Variants in KCNIP4 observed in about 807,000 individuals in gnomAD.
The protein encoded by KCNIP4 is Kv channel-interacting protein 4.
Under a neutral mutation model 34.0 loss-of-function variants are expected in KCNIP4, and 12 were observed. That is an observed-to-expected ratio of 0.35 (90% CI 0.23 to 0.57). KCNIP4 has a LOEUF of 0.57. KCNIP4 is among the 20% of genes least tolerant of loss of function. The pLI is 0.83. For missense variants in KCNIP4, 238 were observed against 311.7 expected, an observed-to-expected ratio of 0.76 and a Z score of 1.78; for synonymous variants, 124 against 102.2, an observed-to-expected ratio of 1.21 and a Z score of -1.29.
intron 1 of KCNIP4, among the ~76,000 whole-genome samples, chr4:21,421,389 A>G (rs1307805391): frequency 2.0e-5 from 3 of 152,212 alleles, no homozygotes; most frequent in African/African-American, 7.2e-5. Context: ...ATGGATGGAT[A>G]AATGGATAAA....
intron 1 of KCNIP4, among the ~76,000 whole-genome samples, chr4:21,867,030 C>T (rs1325886858): frequency 2.6e-5 from 4 of 152,220 alleles, no homozygotes; most frequent in Non-Finnish European, 5.9e-5. Context: ...CTCGGCTTCC[C>T]AAAGTGCTGG....
chr4:20,798,776 C>T (rs1713837218), intron 3 of KCNIP4, among the ~76,000 whole-genome samples: 1 of 152,172 alleles, frequency 6.6e-6, no homozygotes, highest in Non-Finnish European at 1.5e-5. Flanking sequence ...CCCAGCAATT[C>T]TGATTGCCAC....
chr4:21,297,886 T>C (rs59784165), intron 1 of KCNIP4, among the ~76,000 whole-genome samples: 7,221 of 152,234 alleles, frequency 0.047, 216 homozygotes, highest in East Asian at 0.12. Context: ...TCATACTGTG[T>C]ATGACTTTTA....
chr4:21,706,931 T>TTC (rs1286687388), intron 1 of KCNIP4, among the ~76,000 whole-genome samples: 1 of 152,186 alleles, frequency 6.6e-6, no homozygotes, highest in Non-Finnish European at 1.5e-5. Flanking sequence ...GACTTGCTAC[T>TTC]GTCCATTAGA....
At chr4:20,906,126 C>T (rs1727742323) in intron 1 of KCNIP4, among the ~76,000 whole-genome samples, 1 of 130,464 alleles carries the variant, frequency 7.7e-6, no homozygotes, top group South Asian at 2.5e-4. Context: ...CTCTTCCTCT[C>T]TTTCTCTTTC....
intron 1 of KCNIP4, among the ~76,000 whole-genome samples, chr4:21,486,935 C>T (rs995279322): frequency 1.3e-5 from 2 of 151,760 alleles, no homozygotes; most frequent in African/African-American, 4.8e-5. Context: ...GTAGCTGGGA[C>T]TACAGGTGTG....
intron 1 of KCNIP4, among the ~76,000 whole-genome samples, chr4:21,129,155 TC>T (rs1260265879): frequency 7.2e-5 from 11 of 152,166 alleles, no homozygotes; most frequent in African/African-American, 2.4e-4. Context: ...AAATGGGAGT[TC>T]CCTTGCACAA....
intron 1 of KCNIP4, among the ~76,000 whole-genome samples, chr4:20,928,544 C>T (rs547618549): frequency 4.7e-4 from 72 of 151,742 alleles, no homozygotes; most frequent in African/African-American, 1.6e-3. Context: ...AATAGCCTAA[C>T]ATTATGCCTC....
intron 3 of KCNIP4, among the ~76,000 whole-genome samples, chr4:20,843,921 A>G (rs1720060223): frequency 6.6e-6 from 1 of 152,228 alleles, no homozygotes; most frequent in African/African-American, 2.4e-5. Flanking sequence ...ACATATTTCA[A>G]GATGACATTA....
At chr4:21,144,673 C>T (rs866706814) in intron 1 of KCNIP4, among the ~76,000 whole-genome samples, 2 of 152,218 alleles carry the variant, frequency 1.3e-5, no homozygotes, top group Non-Finnish European at 2.9e-5. Context: ...CATCTCCTTT[C>T]ACCCTAACCC....
intron 3 of KCNIP4, among the ~76,000 whole-genome samples, chr4:20,800,229 C>A (rs755306208): frequency 6.6e-6 from 1 of 152,214 alleles, no homozygotes; most frequent in African/African-American, 2.4e-5. Context: ...TGGGCCCACA[C>A]AGAACTACAG....
chr4:21,282,823 A>T (rs1219549656), intron 1 of KCNIP4, among the ~76,000 whole-genome samples: 1 of 152,142 alleles, frequency 6.6e-6, no homozygotes, highest in Non-Finnish European at 1.5e-5. Flanking sequence ...TTTCATCTCC[A>T]TTCTTGACTC....
chr4:20,736,113 G>A (rs893590335), intron 5 of KCNIP4, among the ~76,000 whole-genome samples: 27 of 151,952 alleles, frequency 1.8e-4, no homozygotes, highest in Admixed American at 1.6e-3. Context: ...TCCCTTCCTG[G>A]ACCCAGCCAC....
chr4:21,663,244 T>C (rs547752734), intron 1 of KCNIP4, among the ~76,000 whole-genome samples: 15 of 152,346 alleles, frequency 9.8e-5, no homozygotes, highest in African/African-American at 3.1e-4. Flanking sequence ...TTAAATGTCA[T>C]CAAATGGTTA....
At chr4:21,402,586 T>C (rs1387741467) in intron 1 of KCNIP4, among the ~76,000 whole-genome samples, 1 of 152,236 alleles carries the variant, frequency 6.6e-6, no homozygotes, top group Non-Finnish European at 1.5e-5. Context: ...TTCCTTTTGC[T>C]CTTGCCCTTT....
chr4:21,749,042 C>T (rs1716969369), intron 1 of KCNIP4, among the ~76,000 whole-genome samples: 1 of 152,072 alleles, frequency 6.6e-6, no homozygotes, highest in Admixed American at 6.6e-5. Flanking sequence ...CTTAGGTGTA[C>T]CATTCAGAAT....
At chr4:20,999,994 G>GA (rs1158047943) in intron 1 of KCNIP4, among the ~76,000 whole-genome samples, 1 of 151,764 alleles carries the variant, frequency 6.6e-6, no homozygotes, top group Non-Finnish European at 1.5e-5. Context: ...AGGAAGGGCG[G>GA]AAAAAAAAGA....
intron 1 of KCNIP4, among the ~76,000 whole-genome samples, chr4:21,228,240 TAGTG>T (rs1175330498): frequency 6.6e-6 from 1 of 152,126 alleles, no homozygotes; most frequent in Non-Finnish European, 1.5e-5. Context: ...GTTCTCATGA[TAGTG>T]AGTGAGTTCT....
In KCNIP4 at chr4:21,521,934, AG is replaced by A. The variant is rs1364586665; in HGVS notation, c.61+426636del. ...GAGAGCATTGTAATAAAAAAAAAAA[AG>A]CTCCATTTAATAGTTCTTAGAAGCA... On this transcript the variant is annotated intron_variant, in intron 1 of 8. Transcript: ENST00000382152. Among the ~76,000 whole-genome samples the A allele has an allele frequency of 4.6e-5, 7 of 152,054 alleles. No homozygotes were observed. The East Asian group carries it at 1.2e-3, about 25-fold the overall frequency.
Sources: allele counts gnomAD v4.1 joint callset (sites outside exome capture counted in the v4.1 genomes callset), GRCh38; gene constraint gnomAD v4.1.1; transcripts MANE v1.5; gene names NCBI Gene and HGNC (gene_info 2026-07-23, HGNC 2026-07-21).